PGM2L1: variants seen among roughly 807,000 people sequenced by gnomAD.
The protein encoded by PGM2L1 is glucose 1,6-bisphosphate synthase.
A neutral mutation model predicts 73.4 loss-of-function variants in PGM2L1; 35 were observed. The observed-to-expected ratio is 0.48, with a 90% CI of 0.36 to 0.63. The LOEUF is 0.63. Among genes scored for constraint, PGM2L1 ranks in the 30% least tolerant of loss-of-function variants. The pLI is 0.00. For synonymous variants in PGM2L1, 225 were observed against 253.8 expected (o/e 0.89, Z 1.08); for missense variants, 570 against 742.0 (o/e 0.77, Z 2.69).
At chr11:74,396,909 G>A (rs1369130067) in intron 1 of PGM2L1, among the ~76,000 whole-genome samples, 1 of 152,198 alleles carries the variant, frequency 6.6e-6, no homozygotes, top group African/African-American at 2.4e-5. Flanking sequence ...TTGCTTATTT[G>A]TTGGTCTTCC....
intron 1 of PGM2L1, among the ~76,000 whole-genome samples, chr11:74,380,095 TACA>T (rs1235651909): frequency 6.6e-6 from 1 of 152,204 alleles, no homozygotes; most frequent in Non-Finnish European, 1.5e-5. Flanking sequence ...TTTATATAAC[TACA>T]GAGAAAAACA....
intron 2 of PGM2L1, among the ~76,000 whole-genome samples, chr11:74,372,593 C>T (rs1435938541): frequency 6.6e-6 from 1 of 152,104 alleles, no homozygotes; most frequent in Non-Finnish European, 1.5e-5. Flanking sequence ...AATCCTAACA[C>T]CCTGAAAAGA....
At chr11:74,346,633 C>A in intron 8 of PGM2L1, 99 bp downstream of exon 8, 1 of 902,484 alleles carries the variant, frequency 1.1e-6, no homozygotes. Context: ...AATTTATGTT[C>A]TTTTCTTATC....
At chr11:74,354,731 C>T (rs890812546) in intron 5 of PGM2L1, 5 of 1,058,542 alleles carry the variant, frequency 4.7e-6, no homozygotes, top group African/African-American at 1.5e-5. Context: ...AATTCTCAAA[C>T]ACCAGGTGCC....
intron 2 of PGM2L1, 34 bp from the exon 3 acceptor site, chr11:74,371,851 T>C: frequency 6.7e-7 from 1 of 1,489,708 alleles, no homozygotes; most frequent in Non-Finnish European, 9.4e-7. Context: ...TTAGTTCTAA[T>C]GGATGCTTGC....
At chr11:74,386,981 A>G (rs1565446030) in intron 1 of PGM2L1, among the ~76,000 whole-genome samples, 1 of 152,234 alleles carries the variant, frequency 6.6e-6, no homozygotes, top group Non-Finnish European at 1.5e-5. Flanking sequence ...TTAGCAAAAT[A>G]TATGATTTAA....
intron 5 of PGM2L1, among the ~76,000 whole-genome samples, chr11:74,359,305 T>G (rs992563897): frequency 1.6e-4 from 24 of 151,858 alleles, no homozygotes; most frequent in African/African-American, 5.6e-4. Context: ...TGAAACAGAG[T>G]TTCACTCTGT....
intron 5 of PGM2L1, among the ~76,000 whole-genome samples, chr11:74,367,456 C>T (rs983290137): frequency 1.3e-5 from 2 of 152,194 alleles, no homozygotes; most frequent in African/African-American, 2.4e-5. Flanking sequence ...ATGATATGGG[C>T]AGAGGTAAAC....
chr11:74,336,428 G>T lies in PGM2L1; in HGVS notation c.*224C>A. On this transcript the variant is annotated 3_prime_UTR_variant, in exon 14 of 14. Coordinates refer to ENST00000298198, the MANE Select transcript of PGM2L1 (RefSeq NM_173582.6). ...TAATACTTTTAGTGTAATAACTTTT[G>T]TTTGAATTATGAAAAAATTTGAATC... 1 of 327,048 alleles carries T rather than the reference G, an allele frequency of 3.1e-6. No homozygotes were observed. Among genetic ancestry groups the T allele is most frequent in the Non-Finnish European group, 5.6e-6 (1 of 179,700 alleles). The allele number at this position is 327,048 out of a possible 1,614,324, so 20.3% of individuals were successfully genotyped here.
At chr11:74,386,067 T>C (rs756894655) in intron 1 of PGM2L1, among the ~76,000 whole-genome samples, 1 of 152,152 alleles carries the variant, frequency 6.6e-6, no homozygotes, top group Non-Finnish European at 1.5e-5. Context: ...AATAAAATTA[T>C]AATTATGTTC....
rs180813714 is a variant in PGM2L1, at chr11:74,361,692, G to A, written c.555+6800C>T. 3.2e-3 allele frequency among the ~76,000 whole-genome samples: 490 copies of A among 152,272 alleles called. 3 individuals carry two copies. In the Middle Eastern group the frequency reaches 0.034, roughly 11 times the overall value. On this transcript the variant is annotated intron_variant, in intron 5 of 13. Transcript: ENST00000298198. ...GGCTAACTAGAATAACCAGGGTAGA[G>A]AAGTCCTTAAATGACCTGATGGAGC...
At chr11:74,381,576 T>C (rs1212835700) in intron 1 of PGM2L1, among the ~76,000 whole-genome samples, 83 of 62,312 alleles carry the variant, frequency 1.3e-3, no homozygotes, top group Middle Eastern at 9.8e-3. Context: ...TTTGTCTTTT[T>C]TTTTTTTTTT....
At chr11:74,355,936 C>T (rs1862447148) in intron 5 of PGM2L1, among the ~76,000 whole-genome samples, 1 of 152,020 alleles carries the variant, frequency 6.6e-6, no homozygotes, top group South Asian at 2.1e-4. Flanking sequence ...ATTTTAGTTC[C>T]TGTTCTGTGG....
At chr11:74,336,873 A>G (rs1862105910) in intron 13 of PGM2L1, 119 bp from the exon 14 acceptor site, 2 of 656,912 alleles carry the variant, frequency 3.0e-6, no homozygotes, top group East Asian at 5.9e-5. Context: ...TAAACAAAAG[A>G]GAAATTCACT....
At chr11:74,372,062 A>G (rs1397080877) in intron 2 of PGM2L1, among the ~76,000 whole-genome samples, 2 of 152,038 alleles carry the variant, frequency 1.3e-5, no homozygotes, top group Non-Finnish European at 2.9e-5. Context: ...AACCACTACT[A>G]AACCACTAAA....
chr11:74,374,170 G>T (rs1862820242), intron 2 of PGM2L1, among the ~76,000 whole-genome samples: 1 of 150,800 alleles, frequency 6.6e-6, no homozygotes. Flanking sequence ...TGCAACCTCC[G>T]ACTCCCAGGT....
intron 13 of PGM2L1, 97 bp from the exon 14 acceptor site, chr11:74,336,851 T>C: frequency 1.4e-6 from 1 of 730,102 alleles, no homozygotes; most frequent in Non-Finnish European, 2.1e-6. Flanking sequence ...GATGGAGTCA[T>C]TAAACAATTG....
intron 12 of PGM2L1, among the ~76,000 whole-genome samples, chr11:74,339,370 T>G (rs1010239055): frequency 2.0e-5 from 3 of 152,164 alleles, no homozygotes; most frequent in Non-Finnish European, 4.4e-5. Context: ...AGTCCACACA[T>G]CCGTCTGTTG....
At chr11:74,389,480 C>T (rs370618822) in intron 1 of PGM2L1, among the ~76,000 whole-genome samples, 11 of 151,762 alleles carry the variant, frequency 7.2e-5, no homozygotes, top group African/African-American at 2.2e-4. Context: ...GATGGAGTCT[C>T]GCTCTGTCAC....
Sources: gnomAD v4.1 joint callset for allele counts (sites outside exome capture counted in the v4.1 genomes callset) on GRCh38, gnomAD v4.1.1 for gene constraint, MANE v1.5 for transcripts, NCBI Gene and HGNC (gene_info 2026-07-23, HGNC 2026-07-21) for gene names.